The following TTL variants were observed in gnomAD, a reference collection of about 807,000 sequenced individuals.
TTL encodes tubulin tyrosine ligase, also known as tubulin--tyrosine ligase.
In TTL, 10 loss-of-function variants were observed where a neutral mutation model predicts 41.1. That is an observed-to-expected ratio of 0.24 (90% CI 0.15 to 0.41). The LOEUF is 0.41. Ranked by LOEUF, TTL falls within the 10% of genes least tolerant of loss-of-function variation. The pLI is 1.00. For missense variants in TTL, 367 were observed against 460.4 expected (o/e 0.80, Z 1.86); for synonymous variants, 175 against 175.5 (o/e 1.00, Z 0.02).
At chr2:112,524,828 C>T (rs1238709760) in intron 6 of TTL, among the ~76,000 whole-genome samples, 6 of 152,116 alleles carry the variant, frequency 3.9e-5, no homozygotes. Context: ...GCTTTTGTTG[C>T]CATTGCTTTT....
chr2:112,484,219 T>C (rs953564707), intron 1 of TTL, among the ~76,000 whole-genome samples: 1 of 151,436 alleles, frequency 6.6e-6, no homozygotes, highest in Non-Finnish European at 1.5e-5. Context: ...ACGTTTGAGC[T>C]TTTTGTTTGT....
intron 4 of TTL, among the ~76,000 whole-genome samples, chr2:112,502,401 C>G (rs1463785206): frequency 6.6e-6 from 1 of 152,026 alleles, no homozygotes; most frequent in Non-Finnish European, 1.5e-5. Context: ...CTTTGAGAGG[C>G]CAAGGTGGGT....
intron 2 of TTL, among the ~76,000 whole-genome samples, chr2:112,493,817 C>T (rs1681454704): frequency 6.6e-6 from 1 of 152,086 alleles, no homozygotes. Context: ...GGGTATGGTT[C>T]AACAACATAT....
At position 112,482,515 on chromosome 2, in the gene TTL, C is replaced by T. The variant is rs1419617942; in HGVS notation, c.157+14C>T. 1.9e-6 allele frequency: 3 copies of T among 1,587,530 alleles called. No homozygotes were observed. Among genetic ancestry groups the T allele is most frequent in the African/African-American group, 1.4e-5 (1 of 73,220 alleles). On this transcript the variant is annotated intron_variant, in intron 1 of 6. Transcript: ENST00000233336. The surrounding 1 kb of genome is among the most constrained non-coding windows in gnomAD (Gnocchi z 5.3). ...TCGGGAGACTGGGTGAGCCCCTCCC[C>T]GATTCCCGTCTGCCCTCCTCGGAGC...
At chr2:112,528,394 G>T (rs992510939) in intron 6 of TTL, among the ~76,000 whole-genome samples, 1 of 152,168 alleles carries the variant, frequency 6.6e-6, no homozygotes, top group Non-Finnish European at 1.5e-5. Flanking sequence ...GAGCTCAGGA[G>T]TTCAAGAGCA....
chr2:112,526,270 A>C (rs1448980650), intron 6 of TTL, among the ~76,000 whole-genome samples: 1 of 152,152 alleles, frequency 6.6e-6, no homozygotes. Context: ...TGTCTCTGCC[A>C]GGCTTTGGTG....
intron 5 of TTL, 62 bp from the exon 6 acceptor site, chr2:112,520,220 T>C: frequency 6.4e-7 from 1 of 1,573,144 alleles, no homozygotes; most frequent in Non-Finnish European, 8.7e-7. Context: ...CAAGCACACC[T>C]CATGTCTTCC....
chr2:112,497,677 A>G (rs1397639150), intron 3 of TTL, among the ~76,000 whole-genome samples: 2 of 151,914 alleles, frequency 1.3e-5, no homozygotes, highest in Admixed American at 6.6e-5. Flanking sequence ...TTCTTGTTCA[A>G]GAAGCTCACC....
intron 3 of TTL, among the ~76,000 whole-genome samples, chr2:112,495,743 A>G (rs1404135973): frequency 6.6e-6 from 1 of 152,146 alleles, no homozygotes; most frequent in East Asian, 1.9e-4. Flanking sequence ...GCTACTCGGG[A>G]GGCTGAGGCA....
At chr2:112,500,751 A>G (rs1169029707) in intron 3 of TTL, among the ~76,000 whole-genome samples, 1 of 152,270 alleles carries the variant, frequency 6.6e-6, no homozygotes, top group African/African-American at 2.4e-5. Flanking sequence ...GACAATTCCA[A>G]TGTATCCAGT....
At position 112,485,917 on chromosome 2, in the gene TTL, G is replaced by A; in HGVS notation, c.158G>A (p.Gly53Asp). ...TCTGAGCCTCCTCTTTCCTTCCTAGGTCACGAGCCCGGGCTGGTACAGTTG... is the reference window on the plus strand; with the variant it reads ...TCTGAGCCTCCTCTTTCCTTCCTAGATCACGAGCCCGGGCTGGTACAGTTG... ...ERNRLPFGRL[G>D]HEPGLVQLVN... The change falls in exon 2 of 7, where the codon GGT (glycine) becomes GAT (aspartate). Residue 53 changes from glycine to aspartate, a missense_variant and splice_region_variant. Transcript: ENST00000233336. 6.2e-7 allele frequency: 1 copy of A among 1,608,994 alleles called. No individual in the cohort carries two copies. Among genetic ancestry groups the A allele is most frequent in the Non-Finnish European group, 8.5e-7 (1 of 1,179,916 alleles).
chr2:112,520,608 G>A (rs868688584), intron 6 of TTL, 183 bp downstream of exon 6: 34 of 748,534 alleles, frequency 4.5e-5, no homozygotes, highest in South Asian at 5.7e-5. Flanking sequence ...CTATTTCCCC[G>A]TGTATAGGCC....
chr2:112,538,537 G>A lies in TTL; in HGVS notation c.*9742G>A, dbSNP rs1682642232. ...CACTCCTATAATCTCAGCACTTTTA[G>A]GAGGCCAAGGTGGGCAGATCAAATG... On this transcript the variant is annotated 3_prime_UTR_variant, in exon 7 of 7. Transcript: ENST00000233336. 6.6e-6 allele frequency: 1 copy of A among 152,182 alleles called. No homozygotes were observed. The highest frequency in any genetic ancestry group is 2.1e-4 in the South Asian group (1 of 4,832). 9.4% of individuals were successfully genotyped at this position (152,182 alleles called of 1,614,324 possible).
intron 3 of TTL, among the ~76,000 whole-genome samples, chr2:112,498,280 A>G (rs1220588192): frequency 6.6e-6 from 1 of 152,130 alleles, no homozygotes; most frequent in Non-Finnish European, 1.5e-5. Flanking sequence ...CTGAGATCGC[A>G]CCATTGCACT....
chr2:112,498,849 A>G (rs1681610694), intron 3 of TTL, among the ~76,000 whole-genome samples: 1 of 152,150 alleles, frequency 6.6e-6, no homozygotes, highest in Non-Finnish European at 1.5e-5. Context: ...GACAAGACCA[A>G]GACTCCATCT....
chr2:112,540,294 A>G lies in TTL; in HGVS notation c.*11499A>G, dbSNP rs968078499. ...CTCTATTAAAAATACAAAATTAGCC[A>G]GGCATGGTGGTGCATGCCTGTAATC... On this transcript the variant is annotated 3_prime_UTR_variant, in exon 7 of 7. Coordinates refer to ENST00000233336, the MANE Select transcript of TTL (RefSeq NM_153712.5). The G allele has an allele frequency of 9.9e-5, 15 of 152,162 alleles. No homozygotes were observed. The highest frequency in any genetic ancestry group is 9.8e-4 in the Admixed American group (15 of 15,282). 9.4% of individuals were successfully genotyped at this position (152,162 alleles called of 1,614,324 possible).
chr2:112,496,354 G>A (rs1681521853), intron 3 of TTL, among the ~76,000 whole-genome samples: 1 of 152,144 alleles, frequency 6.6e-6, no homozygotes, highest in Non-Finnish European at 1.5e-5. Flanking sequence ...CCAATAGGAT[G>A]AATGAATGGT....
chr2:112,522,549 G>C (rs1024578302), intron 6 of TTL: 2 of 152,404 alleles, frequency 1.3e-5, no homozygotes, highest in African/African-American at 4.8e-5. Context: ...TTAGGCCTGG[G>C]TGTTTGTCTC....
intron 6 of TTL, among the ~76,000 whole-genome samples, chr2:112,526,113 G>C (rs1383249843): frequency 6.6e-6 from 1 of 152,218 alleles, no homozygotes; most frequent in African/African-American, 2.4e-5. Context: ...TGTTGAACCA[G>C]CCTTGCATCC....
Sources: gnomAD v4.1 joint callset for allele counts (sites outside exome capture counted in the v4.1 genomes callset) on GRCh38, gnomAD v4.1.1 for gene constraint, Gnocchi (gnomAD v3.1) non-coding constraint, MANE v1.5 for transcripts, NCBI Gene and HGNC (gene_info 2026-07-23, HGNC 2026-07-21) for gene names.